KMO: variants seen among roughly 807,000 people sequenced by gnomAD.
KMO encodes kynurenine 3-hydroxylase.
Under a neutral mutation model 57.8 loss-of-function variants are expected in KMO, and 24 were observed. The observed-to-expected ratio is 0.42, with a 90% CI of 0.30 to 0.58. The LOEUF is 0.58. KMO is among the 20% of genes least tolerant of loss of function. The pLI is 0.22. For synonymous variants in KMO, 210 were observed against 193.6 expected (o/e 1.08, Z -0.70); for missense variants, 483 against 588.2 (o/e 0.82, Z 1.85).
At chr1:241,566,083 G>A (rs1462082342) in intron 8 of KMO, among the ~76,000 whole-genome samples, 1 of 152,112 alleles carries the variant, frequency 6.6e-6, no homozygotes, top group Admixed American at 6.6e-5. Context: ...GTGGGTGCCT[G>A]TAGTCCCAGC....
intron 10 of KMO, 60 bp from the exon 11 acceptor site, chr1:241,586,619 A>G: frequency 1.8e-6 from 2 of 1,114,918 alleles, no homozygotes; most frequent in South Asian, 2.7e-5. Flanking sequence ...AAAATCAATA[A>G]TAAGGGTTTC....
chr1:241,562,332 T>C lies in KMO; in HGVS notation c.615T>C (p.Asp205=). 3.1e-6 allele frequency: 5 copies of C among 1,613,894 alleles called. No individual in the cohort carries two copies. The South Asian group carries it at 4.4e-5, about 14-fold the overall frequency. Residue 205 remains aspartate, a splice_region_variant and synonymous_variant, in exon 7 of 15, where the codon GAT becomes GAC. Coordinates refer to ENST00000366559, the MANE Select transcript of KMO (RefSeq NM_003679.5). ...TGACTATTCCACCTAAGAACGGAGA[T>C]GTAAGTCCTTGCCCTTTTTCAACCC... ...MELTIPPKNG[D]YAMEPNYLHI...
intron 10 of KMO, among the ~76,000 whole-genome samples, chr1:241,580,882 C>T (rs542440480): frequency 6.6e-6 from 1 of 151,106 alleles, no homozygotes; most frequent in African/African-American, 2.4e-5. Context: ...CATACTTTTT[C>T]TTTATTTTAT....
intron 10 of KMO, 175 bp from the exon 11 acceptor site, chr1:241,586,504 T>C: frequency 1.7e-6 from 1 of 601,268 alleles, no homozygotes; most frequent in Non-Finnish European, 3.0e-6. Context: ...CCAGGCCCGA[T>C]GGTCATTTTT....
chr1:241,572,706 T>C (rs912072165), intron 10 of KMO, among the ~76,000 whole-genome samples: 2 of 152,104 alleles, frequency 1.3e-5, no homozygotes, highest in Non-Finnish European at 2.9e-5. Flanking sequence ...TAACAAATTA[T>C]ATAGTGGTGA....
intron 2 of KMO, 93 bp downstream of exon 2, chr1:241,548,991 G>A: frequency 1.3e-6 from 1 of 791,954 alleles, no homozygotes. Context: ...TTGAGGCCGG[G>A]AGTTTGAGAC....
chr1:241,564,964 A>G (rs1387607386), intron 7 of KMO, 23 bp from the exon 8 acceptor site: 2 of 1,485,826 alleles, frequency 1.3e-6, no homozygotes, highest in Non-Finnish European at 1.9e-6. Context: ...GCACTAATCA[A>G]TCATATATTC....
At chr1:241,569,130 A>G (rs893800845) in intron 10 of KMO, among the ~76,000 whole-genome samples, 4 of 152,086 alleles carry the variant, frequency 2.6e-5, no homozygotes, top group African/African-American at 9.7e-5. Context: ...TAATTAGGGT[A>G]TCTGTCACCT....
chr1:241,566,870 C>G (rs898083020), intron 9 of KMO, among the ~76,000 whole-genome samples: 2 of 152,176 alleles, frequency 1.3e-5, no homozygotes, highest in Admixed American at 6.5e-5. Context: ...TATGCAGGCT[C>G]CTCAGGCTCC....
chr1:241,594,020 C>CA lies in KMO; in HGVS notation c.*1875dup, dbSNP rs1221468383. On this transcript the variant is annotated 3_prime_UTR_variant, in exon 15 of 15. Transcript: ENST00000366559. ...TGACACTGAATAGAGTCCAACAGTA[C>CA]AAAAAAAATTCAGTATGTTCTAGCT... is the stretch of plus-strand genomic sequence containing the variant. The CA allele has an allele frequency of 1.7e-5, 3 of 174,292 alleles. No homozygotes were observed. The highest frequency in any genetic ancestry group is 1.5e-4 in the South Asian group (1 of 6,882). The allele number at this position is 174,292 out of a possible 1,614,324, so 10.8% of individuals were successfully genotyped here. A position where few individuals can be genotyped will look rare whatever the true frequency, so the allele number is the denominator to read the frequency against.
At position 241,560,741 on chromosome 1, in the gene KMO, C is replaced by T. The variant is rs1268677671; in HGVS notation, c.438C>T (p.Ile146=). Reference sequence around the variant, plus strand: ...AATGTAATCCAGAGGAAGGAATGATCACAGTGCTTGGGTAACTACGGGTCA... The same window carrying T: ...AATGTAATCCAGAGGAAGGAATGATTACAGTGCTTGGGTAACTACGGGTCA... ...LLKCNPEEGM[I]TVLGSDKVPK... The change falls in exon 6 of 15, where the codon ATC becomes ATT. Residue 146 remains isoleucine (I), a synonymous_variant. Transcript: ENST00000366559. 4.3e-6 allele frequency: 7 copies of T among 1,612,022 alleles called. No individual in the cohort carries two copies. Among genetic ancestry groups the T allele is most frequent in the Non-Finnish European group, 1.7e-6 (2 of 1,178,222 alleles).
At chr1:241,579,076 G>T (rs897488928) in intron 10 of KMO, among the ~76,000 whole-genome samples, 1 of 152,114 alleles carries the variant, frequency 6.6e-6, no homozygotes, top group Non-Finnish European at 1.5e-5. Flanking sequence ...TTCAAGATGA[G>T]ATTTGGGTGG....
chr1:241,592,151 T>C lies in KMO; in HGVS notation c.1459T>C (p.Ter487ArgextTer1), dbSNP rs652619. ...ACAAATTTCCAATCTCATTAGCAGG[T>C]GATAGAAAGGTTTTGTGGTAGCAAA... ...LEQISNLISR* is the reference protein window; with the variant it reads ...LEQISNLISRR Residue 487 changes from the stop codon to arginine (R), a stop_lost, in exon 15 of 15, where the codon TGA becomes CGA. Transcript: ENST00000366559. 1.5e-4 allele frequency: 246 copies of C among 1,612,412 alleles called. No individual in the cohort carries two copies. In the African/African-American group the frequency reaches 3.1e-3, roughly 20 times the overall value.
Position 241,592,780 on chromosome 1 carries a change from ATC to A in KMO, c.*629_*630del, listed in dbSNP as rs1553352693. On this transcript the variant is annotated 3_prime_UTR_variant, in exon 15 of 15. Transcript: ENST00000366559. ...CATCTATCTATCTATCTATCTATCT[ATC>A]TATCTATCTATCTATCTCTATTTAT... is the stretch of plus-strand genomic sequence containing the variant. 2 of 121,574 alleles carry A rather than the reference ATC, an allele frequency of 1.6e-5. No individual in the cohort carries two copies. Among genetic ancestry groups the A allele is most frequent in the Non-Finnish European group, 3.9e-5 (2 of 50,936 alleles). 7.5% of individuals were successfully genotyped at this position (121,574 alleles called of 1,614,324 possible).
intron 7 of KMO, among the ~76,000 whole-genome samples, chr1:241,563,234 G>A (rs1661945667): frequency 6.6e-6 from 1 of 152,164 alleles, no homozygotes; most frequent in African/African-American, 2.4e-5. Context: ...ATGTTTTCAT[G>A]TTGTCATAAG....
chr1:241,543,367 A>T (rs1661023742), intron 1 of KMO, among the ~76,000 whole-genome samples: 1 of 152,182 alleles, frequency 6.6e-6, no homozygotes, highest in Non-Finnish European at 1.5e-5. Context: ...GCATATGTCT[A>T]TAGTTTAGTT....
At chr1:241,574,413 A>ATGGCT (rs1283699889) in intron 10 of KMO, among the ~76,000 whole-genome samples, 1 of 151,986 alleles carries the variant, frequency 6.6e-6, no homozygotes, top group Non-Finnish European at 1.5e-5. Flanking sequence ...TTCATCATAT[A>ATGGCT]TGGCTTTTAT....
chr1:241,548,088 A>AACACAC (rs60952289), intron 1 of KMO, among the ~76,000 whole-genome samples: 5,472 of 148,912 alleles, frequency 0.037, 262 homozygotes, highest in African/African-American at 0.12. Flanking sequence ...AAACAAACAA[A>AACACAC]ACACACACAC....
chr1:241,559,444 T>C (rs1228468114), intron 5 of KMO, among the ~76,000 whole-genome samples: 2 of 5,520 alleles, frequency 3.6e-4, no homozygotes, highest in African/African-American at 1.5e-3. Context: ...AAAATAAACA[T>C]AATTTTTTAA....
Sources: gnomAD v4.1 joint callset for allele counts (sites outside exome capture counted in the v4.1 genomes callset) on GRCh38, gnomAD v4.1.1 for gene constraint, MANE v1.5 for transcripts, NCBI Gene and HGNC (gene_info 2026-07-23, HGNC 2026-07-21) for gene names.